The following SUGCT variants were observed in gnomAD, a reference collection of about 807,000 sequenced individuals.
SUGCT encodes the protein succinyl-CoA:glutarate-CoA transferase, also known as succinyl-CoA:glutarate CoA-transferase.
Under a neutral mutation model 55.0 loss-of-function variants are expected in SUGCT, and 41 were observed. The observed-to-expected ratio is 0.74, with a 90% CI of 0.58 to 0.97. SUGCT has a LOEUF of 0.97. Ranked by LOEUF, SUGCT falls within the 50% of genes least tolerant of loss-of-function variation. SUGCT has a pLI of 0.00. For missense variants in SUGCT, 568 were observed against 547.8 expected (o/e 1.04, Z -0.37); for synonymous variants, 187 against 200.4 (o/e 0.93, Z 0.56).
At chr7:40,200,899 T>C (rs889696134) in intron 6 of SUGCT, among the ~76,000 whole-genome samples, 2 of 152,128 alleles carry the variant, frequency 1.3e-5, no homozygotes, top group African/African-American at 4.8e-5. Flanking sequence ...TAGCAGAGAA[T>C]GGTGAGCCCA....
rs1358370724 is a variant in SUGCT at position 40,558,175 on chromosome 7, G to A, written c.1089+61789G>A. 2.0e-5 allele frequency among the ~76,000 whole-genome samples: 3 copies of A among 151,846 alleles called. No individual in the cohort carries two copies. The East Asian group carries it at 5.8e-4, about 29-fold the overall frequency. On this transcript the variant is annotated intron_variant, in intron 12 of 13. Coordinates refer to ENST00000335693, the MANE Select transcript of SUGCT (RefSeq NM_001193313.2). Reference sequence around the variant, plus strand: ...TGGAACTCTTGTGCAGTGTAGGAATGTAAAATGGTGCAGCCTCTGTGAAAA... The same window carrying A: ...TGGAACTCTTGTGCAGTGTAGGAATATAAAATGGTGCAGCCTCTGTGAAAA...
the SUGCT span, among the ~76,000 whole-genome samples, chr7:41,028,894 C>T: frequency 2.0e-5 from 3 of 152,158 alleles, no homozygotes; most frequent in Non-Finnish European, 4.4e-5. Context: ...GTGCCTCCCT[C>T]ATGGGCTTGT....
intron 7 of SUGCT, among the ~76,000 whole-genome samples, chr7:40,269,485 G>A (rs1260092305): frequency 6.6e-6 from 1 of 151,926 alleles, no homozygotes; most frequent in Non-Finnish European, 1.5e-5. Flanking sequence ...ACTATGTCTG[G>A]CTAATTTTTG....
intron 9 of SUGCT, among the ~76,000 whole-genome samples, chr7:40,330,576 T>G (rs1796253448): frequency 1.3e-5 from 2 of 152,026 alleles, no homozygotes; most frequent in South Asian, 4.1e-4. Context: ...TCCGGCATGG[T>G]TTTTCCTCTG....
chr7:40,216,454 C>G (rs960748517), intron 6 of SUGCT, among the ~76,000 whole-genome samples: 1 of 140,900 alleles, frequency 7.1e-6, no homozygotes, highest in Non-Finnish European at 1.5e-5. Flanking sequence ...GAGCCAAGAT[C>G]GTGCCACTAC....
At chr7:41,032,725 C>G in the SUGCT span, among the ~76,000 whole-genome samples, 1 of 152,138 alleles carries the variant, frequency 6.6e-6, no homozygotes, top group Non-Finnish European at 1.5e-5. Context: ...GAAGTGAGTG[C>G]TTTTCAGTGG....
At chr7:40,223,110 G>C (rs1053536620) in intron 6 of SUGCT, among the ~76,000 whole-genome samples, 15 of 151,094 alleles carry the variant, frequency 9.9e-5, no homozygotes, top group African/African-American at 3.2e-4. Flanking sequence ...GCACAGGCTG[G>C]AGTGCAGTGG....
intron 13 of SUGCT, among the ~76,000 whole-genome samples, chr7:40,770,121 T>G (rs956576951): frequency 1.3e-5 from 2 of 152,200 alleles, no homozygotes; most frequent in Non-Finnish European, 2.9e-5. Context: ...ATGCTGAACT[T>G]GTCAAGTTTC....
intron 9 of SUGCT, among the ~76,000 whole-genome samples, chr7:40,332,986 T>C (rs552472756): frequency 1.5e-4 from 23 of 152,270 alleles, no homozygotes; most frequent in Middle Eastern, 3.4e-3. Flanking sequence ...TTAACAGTTT[T>C]GTAGAAACGT....
chr7:40,248,336 G>A (rs1175281343), intron 7 of SUGCT, among the ~76,000 whole-genome samples: 1 of 151,732 alleles, frequency 6.6e-6, no homozygotes, highest in African/African-American at 2.4e-5. Context: ...TACTTTTAGG[G>A]TTACCTAAAC....
intron 12 of SUGCT, among the ~76,000 whole-genome samples, chr7:40,524,209 C>A (rs1180440684): frequency 6.6e-6 from 1 of 152,128 alleles, no homozygotes; most frequent in Admixed American, 6.6e-5. Context: ...TTGCTAGCTA[C>A]TGATTTTATA....
At chr7:41,012,936 G>T in the SUGCT span, among the ~76,000 whole-genome samples, 1 of 151,742 alleles carries the variant, frequency 6.6e-6, no homozygotes, top group African/African-American at 2.4e-5. Flanking sequence ...GTAAATTTCT[G>T]TGTAAGTGAA....
chr7:40,844,153 G>A (rs1451341582), intron 13 of SUGCT, among the ~76,000 whole-genome samples: 1 of 152,134 alleles, frequency 6.6e-6, no homozygotes, highest in Non-Finnish European at 1.5e-5. Flanking sequence ...CTGGGAAGGG[G>A]TGTCTGCAAC....
intron 9 of SUGCT, among the ~76,000 whole-genome samples, chr7:40,430,286 G>A (rs769106605): frequency 5.3e-5 from 8 of 152,000 alleles, no homozygotes. Context: ...TTTCACCAAT[G>A]GTATACAAGA....
At chr7:40,784,838 G>T (rs1789936146) in intron 13 of SUGCT, among the ~76,000 whole-genome samples, 1 of 152,116 alleles carries the variant, frequency 6.6e-6, no homozygotes, top group South Asian at 2.1e-4. Flanking sequence ...GAGCCTCCAT[G>T]TCTTCACTTT....
At chr7:40,308,863 A>G (rs1382316631) in intron 8 of SUGCT, among the ~76,000 whole-genome samples, 2 of 152,180 alleles carry the variant, frequency 1.3e-5, no homozygotes, top group East Asian at 3.9e-4. Flanking sequence ...TACAAAAATT[A>G]GCTGGGCATG....
intron 12 of SUGCT, among the ~76,000 whole-genome samples, chr7:40,619,843 A>G (rs1053907346): frequency 6.6e-6 from 1 of 152,208 alleles, no homozygotes; most frequent in Non-Finnish European, 1.5e-5. Context: ...CATACTTTAT[A>G]TAATGTTTCC....
At chr7:40,325,721 G>C (rs1418393405) in intron 9 of SUGCT, among the ~76,000 whole-genome samples, 1 of 152,062 alleles carries the variant, frequency 6.6e-6, no homozygotes, top group African/African-American at 2.4e-5. Context: ...CAGGAGAATC[G>C]CTTGAAACCA....
At chr7:40,189,627 C>A in intron 5 of SUGCT, 33 bp downstream of exon 5, 1 of 1,256,934 alleles carries the variant, frequency 8.0e-7, no homozygotes, top group Non-Finnish European at 1.1e-6. Flanking sequence ...CATCCTACCA[C>A]CTAGGTTATA....
Sources: gnomAD v4.1 joint callset for allele counts (sites outside exome capture counted in the v4.1 genomes callset) on GRCh38, gnomAD v4.1.1 for gene constraint, MANE v1.5 for transcripts, NCBI Gene and HGNC (gene_info 2026-07-23, HGNC 2026-07-21) for gene names.